Variants in PLD1 observed in about 807,000 individuals in gnomAD.
The protein encoded by PLD1 is phospholipase D1, also known as choline phosphatase 1.
A neutral mutation model predicts 137.1 loss-of-function variants in PLD1; 112 were observed. The observed-to-expected ratio is 0.82, with a 90% CI of 0.70 to 0.96. The LOEUF (loss-of-function observed/expected upper bound fraction) is 0.96, where lower values mean the gene tolerates loss of function less well. Among genes scored for constraint, PLD1 ranks in the 40% least tolerant of loss-of-function variants. PLD1 has a pLI of 0.00. For missense variants in PLD1, 1,321 were observed against 1,342.0 expected, an observed-to-expected ratio of 0.98 and a Z score of 0.24; for synonymous variants, 431 against 454.7, an observed-to-expected ratio of 0.95 and a Z score of 0.66.
At chr3:171,762,701 A>T (rs2108310167) in intron 1 of PLD1, among the ~76,000 whole-genome samples, 1 of 152,310 alleles carries the variant, frequency 6.6e-6, no homozygotes, top group African/African-American at 2.4e-5. Context: ...CAATCTAAGG[A>T]ACAATATATG....
chr3:171,748,835 A>G (rs1022419601), intron 1 of PLD1, among the ~76,000 whole-genome samples: 6 of 148,130 alleles, frequency 4.1e-5, no homozygotes, highest in Non-Finnish European at 5.9e-5. Context: ...AGCTTGGGCT[A>G]TACTAGATGC....
intron 9 of PLD1, among the ~76,000 whole-genome samples, chr3:171,712,289 GAC>G (rs1031782889): frequency 1.3e-5 from 2 of 152,194 alleles, no homozygotes; most frequent in African/African-American, 2.4e-5. Flanking sequence ...GTGTGGTGGA[GAC>G]ACGGGTTTCT....
chr3:171,786,926 T>G (rs1723031462), intron 1 of PLD1, among the ~76,000 whole-genome samples: 1 of 152,206 alleles, frequency 6.6e-6, no homozygotes, highest in Non-Finnish European at 1.5e-5. Context: ...TCATGCTAAC[T>G]AACTCCCTTC....
intron 1 of PLD1, among the ~76,000 whole-genome samples, chr3:171,746,662 G>A (rs1720211383): frequency 6.6e-6 from 1 of 152,130 alleles, no homozygotes; most frequent in Non-Finnish European, 1.5e-5. Flanking sequence ...TCTAGCTAAA[G>A]GATTGAAAAT....
intron 16 of PLD1, among the ~76,000 whole-genome samples, chr3:171,685,357 C>A (rs1292480597): frequency 2.6e-5 from 4 of 152,204 alleles, no homozygotes; most frequent in Non-Finnish European, 5.9e-5. Flanking sequence ...CTGTAACTCT[C>A]ATCTGCTAAA....
At chr3:171,650,820 C>G (rs1398623946) in intron 21 of PLD1, among the ~76,000 whole-genome samples, 1 of 152,066 alleles carries the variant, frequency 6.6e-6, no homozygotes, top group African/African-American at 2.4e-5. Context: ...ATGGCGTGAA[C>G]CCGGGAGGCG....
intron 6 of PLD1, among the ~76,000 whole-genome samples, chr3:171,729,074 T>A (rs191245507): frequency 1.3e-4 from 20 of 152,330 alleles, no homozygotes; most frequent in African/African-American, 4.1e-4. Flanking sequence ...TCTTAGTACA[T>A]CTTCAGTGAT....
intron 8 of PLD1, among the ~76,000 whole-genome samples, chr3:171,716,270 G>C (rs1460201762): frequency 6.6e-6 from 1 of 152,158 alleles, no homozygotes; most frequent in Non-Finnish European, 1.5e-5. Context: ...GGAATTGCTG[G>C]GTTAAATGGT....
At chr3:171,606,823 G>A (rs1732243656) in intron 25 of PLD1, among the ~76,000 whole-genome samples, 1 of 152,054 alleles carries the variant, frequency 6.6e-6, no homozygotes, top group African/African-American at 2.4e-5. Context: ...GTGTTACAAT[G>A]AACACAGTTT....
intron 21 of PLD1, among the ~76,000 whole-genome samples, chr3:171,652,756 A>T (rs1736888754): frequency 6.9e-6 from 1 of 144,300 alleles, no homozygotes; most frequent in African/African-American, 2.6e-5. Context: ...ATGTACCAGC[A>T]CACTCAGCTA....
intron 19 of PLD1, among the ~76,000 whole-genome samples, chr3:171,673,427 G>GGTAGGATTA (rs1252966533): frequency 1.3e-5 from 2 of 151,784 alleles, no homozygotes; most frequent in Middle Eastern, 6.3e-3. Context: ...GATTACAGGC[G>GGTAGGATTA]CACGCTACCA....
In PLD1 at chr3:171,642,866, G is replaced by A; in HGVS notation, c.2567C>T (p.Ser856Phe). The A allele has an allele frequency of 6.3e-7, 1 of 1,589,486 alleles. No individual in the cohort carries two copies. Among genetic ancestry groups the A allele is most frequent in the South Asian group, 1.1e-5 (1 of 88,252 alleles). The change falls in exon 23 of 27, where the codon TCC becomes TTC. Residue 856 changes from serine (S) to phenylalanine (F), a missense_variant. Ser to Phe is a radical substitution (Grantham distance 155, BLOSUM62 -2). Transcript: ENST00000351298. The stretch of plus-strand genomic sequence containing the variant: ...CTCTGCTTTTAACTGTCCAAGGATG[G>A]AATTTTCTCCTCTGCACATGGTTCT... ...NYRTMCRGEN[S>F]ILGQLKAELG...
At chr3:171,652,698 C>A (rs1374405737) in intron 21 of PLD1, among the ~76,000 whole-genome samples, 1 of 150,124 alleles carries the variant, frequency 6.7e-6, no homozygotes, top group African/African-American at 2.4e-5. Context: ...ACCTCCCAGG[C>A]TAAGAGATCC....
intron 24 of PLD1, among the ~76,000 whole-genome samples, chr3:171,616,415 A>G (rs1165120975): frequency 6.6e-6 from 1 of 152,232 alleles, no homozygotes; most frequent in Non-Finnish European, 1.5e-5. Context: ...TCCGTGTTCA[A>G]ATCTCCGAAA....
chr3:171,765,240 C>A (rs1191340381), intron 1 of PLD1: 1 of 152,096 alleles, frequency 6.6e-6, no homozygotes, highest in Non-Finnish European at 1.5e-5. Flanking sequence ...TGTTAAAAAA[C>A]GATTTCCAGA....
chr3:171,620,777 AT>A lies in PLD1; in HGVS notation c.2594-258del, dbSNP rs200988699. ...ATATATATATATATATATTATATAT[AT>A]TTTTTTTTTAATTGAAGTGTTTTCT... On this transcript the variant is annotated intron_variant, in intron 23 of 26. Coordinates refer to ENST00000351298, the MANE Select transcript of PLD1 (RefSeq NM_002662.5). 5.7e-3 allele frequency among the ~76,000 whole-genome samples: 730 copies of A among 127,000 alleles called. 5 individuals are homozygous for A. The highest frequency in any genetic ancestry group is 0.044 in the Middle Eastern group (11 of 248). The allele number at this position is 127,000 out of a possible 152,430, so 83.3% of individuals were successfully genotyped here. A position where few individuals can be genotyped will look rare whatever the true frequency, so the allele number is the denominator to read the frequency against.
At chr3:171,609,495 T>C (rs9851549) in intron 25 of PLD1, among the ~76,000 whole-genome samples, 1,222 of 109,634 alleles carry the variant, frequency 0.011, 16 homozygotes, top group African/African-American at 0.035. Flanking sequence ...GAGCAGACAA[T>C]TACATAAAGA....
intron 1 of PLD1, among the ~76,000 whole-genome samples, chr3:171,740,298 C>G (rs1036962576): frequency 6.6e-6 from 1 of 152,102 alleles, no homozygotes; most frequent in Non-Finnish European, 1.5e-5. Flanking sequence ...GGAGCCATTG[C>G]CCTTGGTCAA....
chr3:171,655,018 T>G (rs1737074257), intron 21 of PLD1, among the ~76,000 whole-genome samples: 1 of 152,160 alleles, frequency 6.6e-6, no homozygotes, highest in African/African-American at 2.4e-5. Flanking sequence ...GAAAAATACT[T>G]AGACCAGTCC....
Sources: gnomAD v4.1 joint callset for allele counts (sites outside exome capture counted in the v4.1 genomes callset) on GRCh38, gnomAD v4.1.1 for gene constraint, MANE v1.5 for transcripts, NCBI Gene and HGNC (gene_info 2026-07-23, HGNC 2026-07-21) for gene names.